The following CDH12 variants were observed in gnomAD, a reference collection of about 807,000 sequenced individuals.
CDH12 encodes cadherin 12.
A neutral mutation model predicts 74.1 loss-of-function variants in CDH12; 41 were observed. That is an observed-to-expected ratio of 0.55 (90% confidence interval 0.43 to 0.72). CDH12 has a LOEUF of 0.72. Ranked by LOEUF, CDH12 falls within the 30% of genes least tolerant of loss-of-function variation. The pLI is 0.00. For missense variants in CDH12, 945 were observed against 977.2 expected, an observed-to-expected ratio of 0.97 and a Z score of 0.44; for synonymous variants, 399 against 355.0, an observed-to-expected ratio of 1.12 and a Z score of -1.39.
chr5:21,796,257 A>G (rs1048675816), intron 10 of CDH12, among the ~76,000 whole-genome samples: 1 of 152,084 alleles, frequency 6.6e-6, no homozygotes, highest in Non-Finnish European at 1.5e-5. Flanking sequence ...AGCTTAGCCT[A>G]GTCTACCTTA....
chr5:22,234,584 T>C (rs1483343717), intron 3 of CDH12, among the ~76,000 whole-genome samples: 1 of 132,618 alleles, frequency 7.5e-6, no homozygotes, highest in Non-Finnish European at 1.5e-5. Flanking sequence ...TTTGTTTTGC[T>C]TTTTTTTTTT....
intron 1 of CDH12, among the ~76,000 whole-genome samples, chr5:22,743,930 C>T (rs1200026856): frequency 1.3e-5 from 2 of 151,774 alleles, no homozygotes; most frequent in Non-Finnish European, 2.9e-5. Context: ...CAGGTTTCTA[C>T]TGTTGGGCAT....
At chr5:22,506,226 C>A (rs938102503) in intron 1 of CDH12, among the ~76,000 whole-genome samples, 2 of 152,174 alleles carry the variant, frequency 1.3e-5, no homozygotes, top group African/African-American at 4.8e-5. Context: ...AGTTAAGCTC[C>A]ATTTGCTGGA....
intron 1 of CDH12, among the ~76,000 whole-genome samples, chr5:22,560,735 C>T (rs928396423): frequency 1.1e-4 from 16 of 151,950 alleles, no homozygotes; most frequent in Non-Finnish European, 1.6e-4. Flanking sequence ...GACTAACCAC[C>T]TTACAAAGGT....
intron 5 of CDH12, among the ~76,000 whole-genome samples, chr5:22,059,323 ATCG>A: frequency 6.7e-6 from 1 of 148,790 alleles, no homozygotes; most frequent in African/African-American, 2.5e-5. Context: ...CTATCCATCT[ATCG>A]TCTATCTATC....
chr5:22,757,930 A>G (rs1281053321), intron 1 of CDH12, among the ~76,000 whole-genome samples: 1 of 152,206 alleles, frequency 6.6e-6, no homozygotes, highest in Non-Finnish European at 1.5e-5. Flanking sequence ...GTACAACATC[A>G]TGAAGTGGGG....
chr5:22,562,356 A>G (rs1739093684), intron 1 of CDH12, among the ~76,000 whole-genome samples: 1 of 152,098 alleles, frequency 6.6e-6, no homozygotes, highest in Non-Finnish European at 1.5e-5. Context: ...AAAAAAACAT[A>G]CATAGAGATT....
chr5:22,728,798 C>T (rs2127000788), intron 1 of CDH12, among the ~76,000 whole-genome samples: 1 of 151,762 alleles, frequency 6.6e-6, no homozygotes, highest in East Asian at 1.9e-4. Context: ...CATATTTCAT[C>T]TCATAAGGTC....
chr5:22,046,430 C>CTTTTTTTTT lies in CDH12; in HGVS notation c.231+32007_231+32015dup, dbSNP rs11323330. Among the ~76,000 whole-genome samples the CTTTTTTTTT allele has an allele frequency of 4.7e-3, 471 of 100,344 alleles. 35 individuals are homozygous for CTTTTTTTTT. Among genetic ancestry groups the CTTTTTTTTT allele is most frequent in the African/African-American group, 0.019 (440 of 23,396 alleles). 65.8% of individuals were successfully genotyped at this position (100,344 alleles called of 152,430 possible). On this transcript the variant is annotated intron_variant, in intron 5 of 14. Transcript: ENST00000382254. ...GAGAAAGTCACTGGTCATTTAATTT[C>CTTTTTTTTT]TTTTTTTTTTTTTTTTTTTTTTGAG...
chr5:21,953,313 T>C (rs1755949396), intron 6 of CDH12, among the ~76,000 whole-genome samples: 1 of 152,188 alleles, frequency 6.6e-6, no homozygotes, highest in African/African-American at 2.4e-5. Flanking sequence ...GCTCCTCCCC[T>C]GACCTACCTG....
chr5:22,135,586 A>T (rs1746417479), intron 4 of CDH12, among the ~76,000 whole-genome samples: 1 of 152,118 alleles, frequency 6.6e-6, no homozygotes, highest in African/African-American at 2.4e-5. Context: ...TTTAGAAATA[A>T]ATAATTCGCA....
At chr5:22,044,323 A>G (rs1344053106) in intron 5 of CDH12, among the ~76,000 whole-genome samples, 1 of 152,204 alleles carries the variant, frequency 6.6e-6, no homozygotes, top group Non-Finnish European at 1.5e-5. Context: ...TATAAACAAA[A>G]GAGGTTTAAT....
intron 1 of CDH12, among the ~76,000 whole-genome samples, chr5:22,586,793 G>C (rs546520728): frequency 2.7e-5 from 4 of 150,456 alleles, no homozygotes; most frequent in Admixed American, 2.7e-4. Flanking sequence ...GCAATGGTTT[G>C]AAGGTGGAAA....
At chr5:21,985,322 A>G (rs551602353) in intron 5 of CDH12, among the ~76,000 whole-genome samples, 1 of 152,116 alleles carries the variant, frequency 6.6e-6, no homozygotes, top group Non-Finnish European at 1.5e-5. Flanking sequence ...GACAAAAGCA[A>G]TCACATAAAG....
At chr5:22,815,343 A>G (rs1219599999) in intron 1 of CDH12, among the ~76,000 whole-genome samples, 1 of 152,250 alleles carries the variant, frequency 6.6e-6, no homozygotes, top group East Asian at 1.9e-4. Context: ...GTAGAGATGT[A>G]ACAATGAACA....
intron 1 of CDH12, among the ~76,000 whole-genome samples, chr5:22,581,532 C>A (rs1247440441): frequency 1.3e-5 from 2 of 152,218 alleles, no homozygotes; most frequent in African/African-American, 4.8e-5. Flanking sequence ...CTCAAAACCA[C>A]ATGGAAGTTG....
At chr5:22,148,518 C>A (rs1185201659) in intron 4 of CDH12, among the ~76,000 whole-genome samples, 2 of 151,796 alleles carry the variant, frequency 1.3e-5, no homozygotes, top group Non-Finnish European at 2.9e-5. Flanking sequence ...CAAATTTGCA[C>A]AAACTTGGCA....
chr5:22,229,553 A>G (rs1752315076), intron 3 of CDH12, among the ~76,000 whole-genome samples: 1 of 152,112 alleles, frequency 6.6e-6, no homozygotes, highest in African/African-American at 2.4e-5. Context: ...TAGATTGCCA[A>G]TCATTCGGTT....
chr5:22,129,650 C>A (rs1169564511), intron 4 of CDH12, among the ~76,000 whole-genome samples: 4 of 152,108 alleles, frequency 2.6e-5, no homozygotes, highest in Non-Finnish European at 5.9e-5. Flanking sequence ...CTTAGCACAC[C>A]TGGTGCTTTT....
Sources: gnomAD v4.1 joint callset for allele counts (sites outside exome capture counted in the v4.1 genomes callset) on GRCh38, gnomAD v4.1.1 for gene constraint, MANE v1.5 for transcripts, NCBI Gene and HGNC (gene_info 2026-07-23, HGNC 2026-07-21) for gene names.